Variants in TENM2 observed in about 807,000 individuals in gnomAD.
TENM2 encodes teneurin transmembrane protein 2, also known as teneurin-2.
TENM2 carries 52 observed loss-of-function variants against 245.2 expected under a neutral mutation model. That is an observed-to-expected ratio of 0.21 (90% CI 0.17 to 0.27). The LOEUF is 0.27. Among genes scored for constraint, TENM2 ranks in the 10% least tolerant of loss-of-function variants. The pLI, the probability that TENM2 is intolerant of heterozygous loss-of-function variation, is 1.00. For synonymous variants in TENM2, 1,363 were observed against 1,438.9 expected (o/e 0.95, Z 1.19); for missense variants, 3,046 against 3,666.8 (o/e 0.83, Z 4.37).
At chr5:168,169,002 ATCTACAAAGATGGAT>A in intron 13 of TENM2, among the ~76,000 whole-genome samples, 1 of 152,332 alleles carries the variant, frequency 6.6e-6, no homozygotes, top group South Asian at 2.1e-4. Flanking sequence ...CTCACTATCC[ATCTACAAAGATGGAT>A]AAACACATTG....
intron 4 of TENM2, among the ~76,000 whole-genome samples, chr5:167,981,369 C>G (rs538107522): frequency 1.3e-5 from 2 of 152,276 alleles, no homozygotes; most frequent in South Asian, 4.1e-4. Context: ...ATAGGTGAAG[C>G]CTGGAAGAGA....
chr5:167,996,494 C>T (rs952578557), intron 5 of TENM2, among the ~76,000 whole-genome samples: 1 of 152,198 alleles, frequency 6.6e-6, no homozygotes, highest in African/African-American at 2.4e-5. Context: ...ATGCAAGAGA[C>T]TTTCCTCTCA....
intron 1 of TENM2, among the ~76,000 whole-genome samples, chr5:167,288,859 T>A (rs563214974): frequency 1.4e-4 from 21 of 152,096 alleles, no homozygotes; most frequent in Non-Finnish European, 2.8e-4. Context: ...AAAAAATAAG[T>A]AAACAAAACA....
the TENM2 span, among the ~76,000 whole-genome samples, chr5:167,023,747 T>C: frequency 3.9e-5 from 6 of 152,140 alleles, no homozygotes; most frequent in African/African-American, 1.4e-4. Flanking sequence ...ATGTCCAAGA[T>C]AGAAATTGCA....
chr5:167,375,619 G>C, intron 2 of TENM2, 146 bp downstream of exon 4: 1 of 810,216 alleles, frequency 1.2e-6, no homozygotes, highest in Non-Finnish European at 1.9e-6. Context: ...GAGCTGGGGG[G>C]AAGTAAACCA....
chr5:168,010,123 A>G (rs1397017717), intron 5 of TENM2, among the ~76,000 whole-genome samples: 1 of 152,228 alleles, frequency 6.6e-6, no homozygotes, highest in East Asian at 1.9e-4. Flanking sequence ...TGCATTCCCG[A>G]CAAGTCTATA....
the TENM2 span, among the ~76,000 whole-genome samples, chr5:167,071,878 G>GGTCCCCCCCCC: frequency 8.1e-6 from 1 of 124,026 alleles, no homozygotes. Flanking sequence ...TTGACAAATC[G>GGTCCCCCCCCC]CCCCCCCCCG....
intron 2 of TENM2, among the ~76,000 whole-genome samples, chr5:167,866,273 C>T (rs187625699): frequency 7.9e-5 from 12 of 152,204 alleles, no homozygotes; most frequent in Non-Finnish European, 1.3e-4. Context: ...CCGAGGCAGG[C>T]GGCTCACCTG....
chr5:167,647,968 G>A (rs1418785601), intron 2 of TENM2, among the ~76,000 whole-genome samples: 1 of 152,168 alleles, frequency 6.6e-6, no homozygotes, highest in Non-Finnish European at 1.5e-5. Flanking sequence ...CACAAGCTCT[G>A]TAAAAGCTTT....
chr5:167,648,335 T>A (rs760072149), intron 2 of TENM2, among the ~76,000 whole-genome samples: 8 of 152,222 alleles, frequency 5.3e-5, no homozygotes, highest in Non-Finnish European at 8.8e-5. Context: ...AACATATTTT[T>A]AAAAATATAA....
chr5:167,834,750 T>C (rs1407361993), intron 2 of TENM2, among the ~76,000 whole-genome samples: 2 of 151,036 alleles, frequency 1.3e-5, no homozygotes, highest in African/African-American at 4.9e-5. Context: ...CCCAGGTTCA[T>C]GCCATTCTCC....
intron 25 of TENM2, among the ~76,000 whole-genome samples, chr5:168,235,971 A>G (rs1399208572): frequency 6.6e-6 from 1 of 152,160 alleles, no homozygotes; most frequent in Non-Finnish European, 1.5e-5. Context: ...TTGGGGGAAA[A>G]GCCTCTATGC....
At chr5:166,994,714 G>A in the TENM2 span, among the ~76,000 whole-genome samples, 11 of 152,300 alleles carry the variant, frequency 7.2e-5, no homozygotes, top group African/African-American at 2.6e-4. Context: ...GAACATCACA[G>A]CTGTGGATCT....
chr5:167,351,160 TATATGGGATATATAC>T (rs1581812225), intron 1 of TENM2, among the ~76,000 whole-genome samples: 2 of 148,512 alleles, frequency 1.3e-5, no homozygotes, highest in East Asian at 2.0e-4. Flanking sequence ...GGATTATATA[TATATGGGATATATAC>T]ATATGGGATA....
chr5:167,442,094 C>A (rs1026466117), intron 2 of TENM2, among the ~76,000 whole-genome samples: 1 of 152,154 alleles, frequency 6.6e-6, no homozygotes, highest in Non-Finnish European at 1.5e-5. Flanking sequence ...ATTTTCTCCA[C>A]CATGAAATCT....
chr5:167,888,251 T>C (rs969497380), intron 3 of TENM2, among the ~76,000 whole-genome samples: 4 of 152,148 alleles, frequency 2.6e-5, no homozygotes, highest in Non-Finnish European at 5.9e-5. Flanking sequence ...TTCTCTATTA[T>C]TGAACCCACC....
At chr5:168,199,479 C>T (rs1245985503) in intron 16 of TENM2, among the ~76,000 whole-genome samples, 1 of 152,216 alleles carries the variant, frequency 6.6e-6, no homozygotes, top group Non-Finnish European at 1.5e-5. Context: ...ATTATTGCCT[C>T]CCTGTTGCTT....
In TENM2 at chr5:167,350,203, C is replaced by G. The variant is rs550722755; in HGVS notation, c.227-24995C>G. 1.1e-4 allele frequency among the ~76,000 whole-genome samples: 17 copies of G among 152,118 alleles called. No individual in the cohort carries two copies. In the South Asian group the frequency reaches 3.5e-3, roughly 32 times the overall value. ...TCCTTCCCTTGGGTCACTTAATTTC[C>G]CTGGTCCTCCTTGTTTGATACAAAA... On this transcript the variant is annotated intron_variant, in intron 1 of 28. Transcript: ENST00000518659.
chr5:168,198,772 C>G, intron 15 of TENM2, 81 bp from the exon 18 acceptor site: 1 of 1,512,848 alleles, frequency 6.6e-7, no homozygotes, highest in Non-Finnish European at 9.0e-7. Context: ...CATCGCATGG[C>G]CATCAGGGGA....
Sources: gnomAD v4.1 joint callset for allele counts (sites outside exome capture counted in the v4.1 genomes callset) on GRCh38, gnomAD v4.1.1 for gene constraint, MANE v1.5 for transcripts, NCBI Gene and HGNC (gene_info 2026-07-23, HGNC 2026-07-21) for gene names.